Variants in MAN1A1 observed in about 807,000 individuals in gnomAD.
MAN1A1 encodes the protein mannosidase alpha class 1A member 1, also known as mannosyl-oligosaccharide 1,2-alpha-mannosidase IA.
Under a neutral mutation model 70.8 loss-of-function variants are expected in MAN1A1, and 29 were observed. That is an observed-to-expected ratio of 0.41 (90% CI 0.31 to 0.56). MAN1A1 has a LOEUF of 0.56. Among genes scored for constraint, MAN1A1 ranks in the 20% least tolerant of loss-of-function variants. The pLI is 0.29. For synonymous variants in MAN1A1, 349 were observed against 330.1 expected (o/e 1.06, Z -0.62); for missense variants, 747 against 841.3 (o/e 0.89, Z 1.39).
rs901281627 is a variant in MAN1A1, at chr6:119,312,413, C to T, written c.604-5421G>A. Among the ~76,000 whole-genome samples the T allele has an allele frequency of 5.9e-5, 9 of 152,222 alleles. No homozygotes were observed. The East Asian group carries it at 7.7e-4, about 13-fold the overall frequency. ...TCTTTGGTGGAACTGGAAAACAGAACGGAGAGACACAGATAAAAAGCAACT... is the reference window on the plus strand; with the variant it reads ...TCTTTGGTGGAACTGGAAAACAGAATGGAGAGACACAGATAAAAAGCAACT... On this transcript the variant is annotated intron_variant, in intron 2 of 12. Coordinates refer to ENST00000368468, the MANE Select transcript of MAN1A1 (RefSeq NM_005907.4).
intron 5 of MAN1A1, among the ~76,000 whole-genome samples, chr6:119,253,588 C>T (rs1033036813): frequency 1.3e-5 from 2 of 152,112 alleles, no homozygotes; most frequent in East Asian, 1.9e-4. Context: ...AAGAGTTTGT[C>T]GAATCCCAAA....
At chr6:119,226,654 A>G (rs1178867425) in intron 6 of MAN1A1, among the ~76,000 whole-genome samples, 1 of 152,170 alleles carries the variant, frequency 6.6e-6, no homozygotes, top group Non-Finnish European at 1.5e-5. Context: ...ATGTTCATAT[A>G]AAGACCTGGA....
intron 4 of MAN1A1, among the ~76,000 whole-genome samples, chr6:119,293,602 T>G (rs1772113572): frequency 6.6e-6 from 1 of 152,080 alleles, no homozygotes; most frequent in Admixed American, 6.6e-5. Flanking sequence ...ACATTCGAAT[T>G]TCCAACATAT....
At chr6:119,250,640 TTCTC>T (rs200102344) in intron 5 of MAN1A1, among the ~76,000 whole-genome samples, 1 of 105,164 alleles carries the variant, frequency 9.5e-6, no homozygotes. Context: ...CTCTCTCTTG[TTCTC>T]TCTCTGTGTG....
chr6:119,188,655 A>G (rs1773356910), intron 10 of MAN1A1, 78 bp from the exon 11 acceptor site: 10 of 1,276,184 alleles, frequency 7.8e-6, no homozygotes, highest in Non-Finnish European at 1.1e-5. Flanking sequence ...TGAAACTAGA[A>G]AGTACAGTCA....
At chr6:119,295,267 G>A (rs3891271) in intron 4 of MAN1A1, among the ~76,000 whole-genome samples, 57,435 of 151,852 alleles carry the variant, frequency 0.38, 11,337 homozygotes, top group Non-Finnish European at 0.41. Context: ...AAACAACTCT[G>A]AAATTTGATA....
chr6:119,301,922 C>T (rs1325028527), intron 4 of MAN1A1, 66 bp downstream of exon 4: 9 of 801,176 alleles, frequency 1.1e-5, no homozygotes, highest in African/African-American at 1.7e-5. Flanking sequence ...TAATAGGGCC[C>T]ACTACAGAAT....
At chr6:119,301,498 A>T (rs1772387671) in intron 4 of MAN1A1, among the ~76,000 whole-genome samples, 1 of 152,204 alleles carries the variant, frequency 6.6e-6, no homozygotes, top group Non-Finnish European at 1.5e-5. Flanking sequence ...GATGAATAAG[A>T]TCCACAAAAT....
At chr6:119,218,143 C>T (rs145475707) in intron 6 of MAN1A1, among the ~76,000 whole-genome samples, 8 of 152,046 alleles carry the variant, frequency 5.3e-5, no homozygotes, top group African/African-American at 9.6e-5. Flanking sequence ...GCCTTTTATC[C>T]GTCCTATGTT....
chr6:119,286,642 T>C (rs1205413506), intron 5 of MAN1A1, among the ~76,000 whole-genome samples: 1 of 152,160 alleles, frequency 6.6e-6, no homozygotes, highest in African/African-American at 2.4e-5. Context: ...TTGGATAAGA[T>C]GTCTTCCGCA....
intron 2 of MAN1A1, among the ~76,000 whole-genome samples, chr6:119,323,010 A>G (rs1773056600): frequency 6.6e-6 from 1 of 152,200 alleles, no homozygotes; most frequent in Non-Finnish European, 1.5e-5. Flanking sequence ...GAAAGGTGCC[A>G]ATTATATTTA....
intron 8 of MAN1A1, among the ~76,000 whole-genome samples, chr6:119,194,761 T>G (rs1199294169): frequency 6.6e-6 from 1 of 152,148 alleles, no homozygotes; most frequent in Admixed American, 6.5e-5. Context: ...CCACCTTCAC[T>G]GCCATTTATC....
chr6:119,348,399 G>C (rs1033173935), intron 2 of MAN1A1, 64 bp downstream of exon 2: 2 of 1,442,926 alleles, frequency 1.4e-6, no homozygotes, highest in African/African-American at 2.8e-5. Context: ...GAGTTTCAAA[G>C]GCTTGCCGTT....
intron 5 of MAN1A1, among the ~76,000 whole-genome samples, chr6:119,260,501 G>C (rs1201779385): frequency 1.3e-5 from 2 of 152,084 alleles, no homozygotes; most frequent in Non-Finnish European, 2.9e-5. Flanking sequence ...TGCAATTTCT[G>C]GTCAGCATTC....
At chr6:119,285,913 T>C (rs1341885972) in intron 5 of MAN1A1, among the ~76,000 whole-genome samples, 1 of 152,202 alleles carries the variant, frequency 6.6e-6, no homozygotes, top group African/African-American at 2.4e-5. Context: ...TTCATAAAAA[T>C]AGCAAAACCA....
At chr6:119,205,006 TATTATAAAACCAAGCA>T in intron 6 of MAN1A1, 124 bp from the exon 7 acceptor site, 1 of 956,960 alleles carries the variant, frequency 1.0e-6, no homozygotes, top group Non-Finnish European at 1.5e-6. Flanking sequence ...CCACTCTAGA[TATTATAAAACCAAGCA>T]CTGTCTTCTT....
intron 2 of MAN1A1, among the ~76,000 whole-genome samples, chr6:119,329,767 C>T (rs895369940): frequency 5.9e-5 from 9 of 152,162 alleles, no homozygotes; most frequent in Non-Finnish European, 1.0e-4. Context: ...TCTCTGGCCT[C>T]GTTCACAGTT....
intron 4 of MAN1A1, among the ~76,000 whole-genome samples, chr6:119,300,431 T>G (rs1772358931): frequency 6.6e-6 from 1 of 151,926 alleles, no homozygotes; most frequent in African/African-American, 2.4e-5. Flanking sequence ...ATTTTTTGTA[T>G]TTTTAGTAGA....
In MAN1A1 at chr6:119,179,920, C is replaced by A; in HGVS notation, c.1861G>T (p.Asp621Tyr). ...CAATGCTCCAGTGGAAGAAGATCGT[C>A]GTCAGAAAATATTAGGTACAAATAT... is the stretch of plus-strand genomic sequence containing the variant. Reference protein sequence around the residue: ...LKYLYLIFSDDDLLPLEHWIF... With the variant: ...LKYLYLIFSDYDLLPLEHWIF... The change falls in exon 13 of 13, where the codon GAC (aspartate) becomes TAC (tyrosine). Residue 621 changes from aspartate to tyrosine, a missense_variant. Around this residue, in one of 2 missense-constraint regions of MAN1A1, gnomAD observed 419 missense variants for 548.2 expected, o/e 0.76. Transcript: ENST00000368468. 1 of 1,613,512 alleles carries A rather than the reference C, an allele frequency of 6.2e-7. No individual in the cohort carries two copies. Among genetic ancestry groups the A allele is most frequent in the South Asian group, 1.1e-5 (1 of 91,054 alleles).
Sources: allele counts gnomAD v4.1 joint callset (sites outside exome capture counted in the v4.1 genomes callset), GRCh38; gene constraint gnomAD v4.1.1; regional missense constraint gnomAD v4.1.1; transcripts MANE v1.5; gene names NCBI Gene and HGNC (gene_info 2026-07-23, HGNC 2026-07-21).